SOX5: variants seen among roughly 807,000 people sequenced by gnomAD.
SOX5 encodes transcription factor SOX-5.
In SOX5, 9 loss-of-function variants were observed where a neutral mutation model predicts 92.0. The ratio of observed to expected loss-of-function variants is 0.10; its 90% confidence interval spans 0.06 to 0.17. SOX5 has a LOEUF of 0.17. Among genes scored for constraint, SOX5 ranks in the 10% least tolerant of loss-of-function variants. SOX5 has a pLI of 1.00. For synonymous variants in SOX5, 344 were observed against 336.3 expected (o/e 1.02, Z -0.25); for missense variants, 642 against 944.5 (o/e 0.68, Z 4.20).
At position 23,530,095 on chromosome 12, in the gene SOX5, A is replaced by T. The variant is rs916804429; in HGVS notation, c.*4124T>A. 6.6e-6 allele frequency: 1 copy of T among 152,250 alleles called. No homozygotes were observed. The highest frequency in any genetic ancestry group is 1.5e-5 in the Non-Finnish European group (1 of 68,036). 9.4% of individuals were successfully genotyped at this position (152,250 alleles called of 1,614,324 possible). On this transcript the variant is annotated 3_prime_UTR_variant, in exon 15 of 15. Coordinates refer to ENST00000451604, the MANE Select transcript of SOX5 (RefSeq NM_006940.6). The stretch of plus-strand genomic sequence containing the variant: ...ACTGTAAAAGCCTGGCTAAACCAAC[A>T]GCTATGCCCTACAAGACAAAGGGAT...
chr12:24,477,799 A>T (rs1463659521), intron 1 of SOX5, among the ~76,000 whole-genome samples: 1 of 152,026 alleles, frequency 6.6e-6, no homozygotes, highest in Non-Finnish European at 1.5e-5. Flanking sequence ...ATAATTTTTT[A>T]CATTTATATT....
chr12:23,632,956 C>T (rs1162988558), intron 8 of SOX5, among the ~76,000 whole-genome samples: 4 of 152,014 alleles, frequency 2.6e-5, no homozygotes, highest in Admixed American at 2.0e-4. Flanking sequence ...AATAGTCCTA[C>T]TAAAATAATT....
intron 1 of SOX5, among the ~76,000 whole-genome samples, chr12:24,518,093 G>A (rs1417931470): frequency 4.0e-5 from 6 of 150,860 alleles, no homozygotes; most frequent in African/African-American, 1.5e-4. Flanking sequence ...TTTTGAGGCA[G>A]GGTCTCACTT....
At chr12:23,951,273 T>TA (rs144627221), upstream of SOX5, among the ~76,000 whole-genome samples, 8,110 of 149,350 alleles carry the variant, frequency 0.054, 451 homozygotes, top group East Asian at 0.24. Context: ...TGAACTCACT[T>TA]AAAAAAAAAA....
chr12:23,842,570 T>C (rs1422604983), intron 3 of SOX5, among the ~76,000 whole-genome samples: 1 of 152,132 alleles, frequency 6.6e-6, no homozygotes, highest in Admixed American at 6.5e-5. Flanking sequence ...GAACCAGAGA[T>C]TCTTGGAGAT....
At chr12:23,789,600 T>C (rs1241158145) in intron 3 of SOX5, among the ~76,000 whole-genome samples, 5 of 152,154 alleles carry the variant, frequency 3.3e-5, no homozygotes, top group African/African-American at 1.2e-4. Context: ...TGTATTAATA[T>C]AGCCAATGCT....
chr12:24,497,241 A>G (rs1196972798), intron 1 of SOX5, among the ~76,000 whole-genome samples: 2 of 152,170 alleles, frequency 1.3e-5, no homozygotes, highest in Non-Finnish European at 2.9e-5. Context: ...CAAAAATACT[A>G]TTTGCTGAAT....
intron 3 of SOX5, among the ~76,000 whole-genome samples, chr12:24,217,423 G>A (rs1024266397): frequency 1.3e-5 from 2 of 152,106 alleles, no homozygotes; most frequent in African/African-American, 4.8e-5. Flanking sequence ...AAATTATTCT[G>A]GGATAACAAA....
intron 4 of SOX5, among the ~76,000 whole-genome samples, chr12:23,751,367 A>G (rs926803696): frequency 6.6e-6 from 1 of 151,946 alleles, no homozygotes; most frequent in Non-Finnish European, 1.5e-5. Flanking sequence ...CATGTTTGAA[A>G]CAACTTTTGA....
intron 1 of SOX5, among the ~76,000 whole-genome samples, chr12:24,535,197 C>A (rs567493628): frequency 6.6e-5 from 10 of 152,266 alleles, no homozygotes; most frequent in African/African-American, 2.2e-4. Context: ...GGGAATTTAG[C>A]CTATGTGCTG....
chr12:23,693,808 A>C (rs968951671), intron 6 of SOX5, among the ~76,000 whole-genome samples: 1 of 152,180 alleles, frequency 6.6e-6, no homozygotes, highest in East Asian at 1.9e-4. Context: ...TTCAATCATA[A>C]AATTATAAAC....
intron 10 of SOX5, among the ~76,000 whole-genome samples, 179 bp from the exon 11 acceptor site, chr12:23,563,582 C>A (rs1946577022): frequency 6.6e-6 from 1 of 152,174 alleles, no homozygotes; most frequent in African/African-American, 2.4e-5. Context: ...TATAGTCATA[C>A]ATAAACATGT....
intron 11 of SOX5, among the ~76,000 whole-genome samples, chr12:23,549,533 T>C (rs1363366202): frequency 6.6e-6 from 1 of 151,980 alleles, no homozygotes; most frequent in East Asian, 1.9e-4. Context: ...TGATTGGTCT[T>C]CTCTCCTTTA....
intron 1 of SOX5, among the ~76,000 whole-genome samples, chr12:23,937,464 C>T (rs78407880): frequency 0.013 from 1,957 of 150,974 alleles, 46 homozygotes; most frequent in African/African-American, 0.045. Flanking sequence ...TGATTTAATA[C>T]TATAAATTCA....
At chr12:23,862,675 T>C (rs2096768949) in intron 2 of SOX5, among the ~76,000 whole-genome samples, 1 of 152,184 alleles carries the variant, frequency 6.6e-6, no homozygotes, top group Non-Finnish European at 1.5e-5. Context: ...TAATTTACGT[T>C]TTGCCTTATT....
At chr12:24,221,411 A>G (rs954252605) in intron 3 of SOX5, among the ~76,000 whole-genome samples, 4 of 152,242 alleles carry the variant, frequency 2.6e-5, no homozygotes, top group African/African-American at 9.6e-5. Context: ...ACTTCAAATA[A>G]GAGTTTAATA....
At chr12:24,080,725 T>G (rs915598463) in intron 4 of SOX5, among the ~76,000 whole-genome samples, 1 of 151,962 alleles carries the variant, frequency 6.6e-6, no homozygotes, top group Non-Finnish European at 1.5e-5. Flanking sequence ...TTTTTGCATC[T>G]TCCCCAGGAT....
rs115862038 is a variant in SOX5, at chr12:23,734,393, C to T, written c.810+291G>A. Among the ~76,000 whole-genome samples the T allele has an allele frequency of 4.2e-3, 635 of 152,192 alleles. 3 individuals carry two copies. The highest frequency in any genetic ancestry group is 0.014 in the African/African-American group (601 of 41,542). ...ATCCAGTTAAGAACACTTATAGACA[C>T]GTTTTAACATTAAAATGTAGATAAA... On this transcript the variant is annotated intron_variant, in intron 6 of 14. Coordinates refer to ENST00000451604, the MANE Select transcript of SOX5 (RefSeq NM_006940.6).
intron 2 of SOX5, among the ~76,000 whole-genome samples, chr12:23,857,070 G>C (rs1208972145): frequency 2.0e-5 from 3 of 152,110 alleles, no homozygotes; most frequent in Non-Finnish European, 2.9e-5. Flanking sequence ...AAAAGATACA[G>C]AGCATTCCCA....
Sources: gnomAD v4.1 joint callset for allele counts (sites outside exome capture counted in the v4.1 genomes callset) on GRCh38, gnomAD v4.1.1 for gene constraint, MANE v1.5 for transcripts, NCBI Gene and HGNC (gene_info 2026-07-23, HGNC 2026-07-21) for gene names.